TBL1X: variants seen among roughly 807,000 people sequenced by gnomAD.
The protein encoded by TBL1X is transducin beta like 1 X-linked.
In TBL1X, 10 loss-of-function variants were observed where a neutral mutation model predicts 50.7. The ratio of observed to expected loss-of-function variants is 0.20; its 90% confidence interval spans 0.12 to 0.33. The LOEUF (loss-of-function observed/expected upper bound fraction) is 0.33, where lower values mean the gene tolerates loss of function less well. TBL1X is among the 10% of genes least tolerant of loss of function. The pLI is 1.00. For synonymous variants in TBL1X, 190 were observed against 214.7 expected, an observed-to-expected ratio of 0.88 and a Z score of 1.01; for missense variants, 340 against 504.4, an observed-to-expected ratio of 0.67 and a Z score of 3.12.
At chrX:9,534,078 G>A (rs1356237604) in intron 2 of TBL1X, among the ~76,000 whole-genome samples, 1 of 111,563 alleles carries the variant, frequency 9.0e-6, no homozygotes, top group Non-Finnish European at 1.9e-5. Context: ...CCTGCAGGTC[G>A]GGTCGGTGTT....
chrX:9,475,834 G>A (rs1431582231), intron 1 of TBL1X, among the ~76,000 whole-genome samples: 11 of 111,724 alleles, frequency 9.8e-5, no homozygotes, highest in Non-Finnish European at 1.7e-4. Context: ...GTTTTTGTGT[G>A]TAATTTTTGG....
chrX:9,690,850 T>C (rs973548647), intron 7 of TBL1X, among the ~76,000 whole-genome samples: 2 of 111,321 alleles, frequency 1.8e-5, no homozygotes, highest in Non-Finnish European at 3.8e-5. Flanking sequence ...CACCGCAGCC[T>C]CCTGAGTAGC....
intron 1 of TBL1X, among the ~76,000 whole-genome samples, chrX:9,485,028 C>T (rs2081903891): frequency 9.0e-6 from 1 of 110,703 alleles, no homozygotes; most frequent in Admixed American, 9.6e-5. Flanking sequence ...TTTGAGGCTG[C>T]AGTGAGCTGT....
chrX:9,467,744 G>A (rs975794132), intron 1 of TBL1X, among the ~76,000 whole-genome samples: 1 of 111,250 alleles, frequency 9.0e-6, no homozygotes, highest in African/African-American at 3.3e-5. Context: ...TTTCTGTGGG[G>A]CTCGACCACA....
chrX:9,682,828 T>G (rs971728608), intron 5 of TBL1X, among the ~76,000 whole-genome samples: 1 of 111,486 alleles, frequency 9.0e-6, no homozygotes, highest in South Asian at 3.8e-4. Flanking sequence ...GGAGGTAGAG[T>G]GGCTGCTTTC....
chrX:9,488,292 C>G (rs1230223161), intron 1 of TBL1X, among the ~76,000 whole-genome samples: 1 of 112,362 alleles, frequency 8.9e-6, no homozygotes, highest in Non-Finnish European at 1.9e-5. Flanking sequence ...GTGCTAAAAT[C>G]AAGGTTTAGC....
chrX:9,492,682 CTTGAGCT>C (rs1177996055), intron 1 of TBL1X, among the ~76,000 whole-genome samples: 2 of 111,221 alleles, frequency 1.8e-5, no homozygotes, highest in African/African-American at 6.6e-5. Flanking sequence ...TGCCAGAGGC[CTTGAGCT>C]AGAGGCAACA....
chrX:9,555,463 C>T (rs1037750556), intron 2 of TBL1X, among the ~76,000 whole-genome samples: 2 of 111,717 alleles, frequency 1.8e-5, no homozygotes, highest in Non-Finnish European at 3.8e-5. Flanking sequence ...CATTTGGTTG[C>T]TCCCATGTTT....
intron 7 of TBL1X, 92 bp from the exon 8 acceptor site, chrX:9,691,487 A>C: frequency 2.1e-6 from 2 of 973,667 alleles, no homozygotes; most frequent in Non-Finnish European, 2.8e-6. Flanking sequence ...TATTTAGTAC[A>C]TAAAAAAAAT....
chrX:9,692,085 C>G (rs371683874), intron 8 of TBL1X, 28 bp from the exon 9 acceptor site: 379 of 1,209,847 alleles, frequency 3.1e-4, no homozygotes, highest in Non-Finnish European at 3.3e-4. Flanking sequence ...AACCAAACAC[C>G]AGAGGCTCCT....
At chrX:9,564,994 G>A (rs2082342450) in intron 2 of TBL1X, among the ~76,000 whole-genome samples, 1 of 110,606 alleles carries the variant, frequency 9.0e-6, no homozygotes, top group Non-Finnish European at 1.9e-5. Context: ...TCATAGGCTG[G>A]GTGCGGTGGC....
At chrX:9,584,437 G>C (rs753803578) in intron 2 of TBL1X, among the ~76,000 whole-genome samples, 1 of 112,354 alleles carries the variant, frequency 8.9e-6, no homozygotes, top group African/African-American at 3.2e-5. Flanking sequence ...ATACCTGATT[G>C]TGAGTAGAGT....
chrX:9,548,567 G>GT (rs752555020), intron 2 of TBL1X, among the ~76,000 whole-genome samples: 307 of 112,107 alleles, frequency 2.7e-3, no homozygotes, highest in African/African-American at 9.7e-3. Context: ...CATCATGGTG[G>GT]TTAGACAGTG....
chrX:9,542,618 T>TG (rs776850826), intron 2 of TBL1X, among the ~76,000 whole-genome samples: 12 of 110,668 alleles, frequency 1.1e-4, no homozygotes, highest in Admixed American at 4.8e-4. Flanking sequence ...CGGGCAGCGT[T>TG]GCCTTCGCAG....
intron 2 of TBL1X, among the ~76,000 whole-genome samples, chrX:9,591,669 G>A (rs771200351): frequency 9.0e-6 from 1 of 111,708 alleles, no homozygotes; most frequent in South Asian, 3.8e-4. Flanking sequence ...AGGGAGGCAG[G>A]CTTGGGTGGA....
chrX:9,550,972 A>G (rs912384867), intron 2 of TBL1X, among the ~76,000 whole-genome samples: 6 of 111,223 alleles, frequency 5.4e-5, no homozygotes, highest in Admixed American at 3.8e-4. Context: ...CCCCCCCCCA[A>G]CCAAGAATGA....
intron 2 of TBL1X, among the ~76,000 whole-genome samples, chrX:9,514,320 A>G (rs749927698): frequency 1.0e-4 from 9 of 86,617 alleles, no homozygotes; most frequent in Non-Finnish European, 1.8e-4. Flanking sequence ...AAAACCCCAC[A>G]TGACACTGTG....
At chrX:9,624,117 T>A (rs1465574134) in intron 2 of TBL1X, among the ~76,000 whole-genome samples, 1 of 112,551 alleles carries the variant, frequency 8.9e-6, no homozygotes, top group African/African-American at 3.2e-5. Context: ...AAAATTGTTC[T>A]TTTTATCATA....
At chrX:9,626,945 C>G (rs926667056) in intron 2 of TBL1X, among the ~76,000 whole-genome samples, 1 of 112,252 alleles carries the variant, frequency 8.9e-6, no homozygotes, top group African/African-American at 3.2e-5. Context: ...TCACACAAAA[C>G]TAGGCCTGAT....
Sources: gnomAD v4.1 joint callset for allele counts (sites outside exome capture counted in the v4.1 genomes callset) on GRCh38, gnomAD v4.1.1 for gene constraint, MANE v1.5 for transcripts, NCBI Gene and HGNC (gene_info 2026-07-23, HGNC 2026-07-21) for gene names.